Variants in KIAA1217 observed in about 807,000 individuals in gnomAD.
KIAA1217 encodes sickle tail protein homolog.
In KIAA1217, 88 loss-of-function variants were observed where a neutral mutation model predicts 163.9. The observed-to-expected ratio is 0.54, with a 90% CI of 0.45 to 0.64. KIAA1217 has a LOEUF of 0.64. Ranked by LOEUF, KIAA1217 falls within the 30% of genes least tolerant of loss-of-function variation. The probability of loss-of-function intolerance (pLI) is 0.00; values close to 1 mark genes in which losing one functional copy is unlikely to be tolerated. For missense variants in KIAA1217, 2,372 were observed against 2,475.0 expected (o/e 0.96, Z 0.88); for synonymous variants, 903 against 923.1 (o/e 0.98, Z 0.39).
At chr10:24,327,391 T>C (rs968724439) in intron 2 of KIAA1217, among the ~76,000 whole-genome samples, 2 of 152,228 alleles carry the variant, frequency 1.3e-5, no homozygotes, top group African/African-American at 2.4e-5. Flanking sequence ...TTAATTGATG[T>C]AAAGTCCCCT....
intron 2 of KIAA1217, among the ~76,000 whole-genome samples, chr10:24,182,399 A>G: frequency 6.7e-6 from 1 of 150,368 alleles, no homozygotes; most frequent in Admixed American, 6.6e-5. Context: ...CCAAGATCGC[A>G]CCACTGCACT....
chr10:23,748,235 C>G (rs982859782), intron 1 of KIAA1217, among the ~76,000 whole-genome samples: 3 of 152,106 alleles, frequency 2.0e-5, no homozygotes, highest in African/African-American at 7.2e-5. Context: ...GAACAAAAGT[C>G]CTTTCCTTCA....
At chr10:24,294,873 C>G (rs2040404479) in intron 2 of KIAA1217, among the ~76,000 whole-genome samples, 2 of 152,122 alleles carry the variant, frequency 1.3e-5, no homozygotes, top group Non-Finnish European at 2.9e-5. Context: ...TCACACATAC[C>G]CTGCCTGAAA....
At chr10:24,343,286 C>A (rs1038449156) in intron 2 of KIAA1217, among the ~76,000 whole-genome samples, 1 of 152,092 alleles carries the variant, frequency 6.6e-6, no homozygotes, top group Admixed American at 6.5e-5. Flanking sequence ...TAGTTGCTAT[C>A]CTGTATATTA....
At chr10:24,455,893 T>A (rs2061734852) in intron 5 of KIAA1217, among the ~76,000 whole-genome samples, 1 of 152,212 alleles carries the variant, frequency 6.6e-6, no homozygotes. Flanking sequence ...AAAAGTACTT[T>A]TTGTTTTTTT....
intron 1 of KIAA1217, among the ~76,000 whole-genome samples, chr10:23,931,647 T>C (rs1282589294): frequency 6.6e-6 from 1 of 152,194 alleles, no homozygotes; most frequent in Non-Finnish European, 1.5e-5. Flanking sequence ...CCTCATCAGA[T>C]TGACCCAAAA....
chr10:23,818,000 T>TACAC (rs1433150421), intron 1 of KIAA1217, among the ~76,000 whole-genome samples: 1 of 103,228 alleles, frequency 9.7e-6, no homozygotes, highest in African/African-American at 4.2e-5. Context: ...TATATATATA[T>TACAC]ATATATATAC....
At chr10:23,874,204 A>C (rs962550630) in intron 1 of KIAA1217, among the ~76,000 whole-genome samples, 3 of 152,028 alleles carry the variant, frequency 2.0e-5, no homozygotes, top group Non-Finnish European at 4.4e-5. Context: ...ATCGGCTGTG[A>C]GTCATCACAG....
chr10:24,414,192 G>C (rs2058042673), intron 3 of KIAA1217, among the ~76,000 whole-genome samples: 1 of 152,186 alleles, frequency 6.6e-6, no homozygotes, highest in South Asian at 2.1e-4. Context: ...TGCTTTAGTT[G>C]TTCCTCCTTG....
At chr10:24,468,685 A>G (rs1224087865) in intron 5 of KIAA1217, among the ~76,000 whole-genome samples, 2 of 152,216 alleles carry the variant, frequency 1.3e-5, no homozygotes, top group Admixed American at 6.5e-5. Context: ...CTGACTGTTC[A>G]TGGCAAGCAG....
At chr10:23,707,025 T>G (rs1836931275) in intron 1 of KIAA1217, among the ~76,000 whole-genome samples, 1 of 152,192 alleles carries the variant, frequency 6.6e-6, no homozygotes, top group Non-Finnish European at 1.5e-5. Context: ...TTCAGAATAT[T>G]TATTGATCAC....
intron 3 of KIAA1217, among the ~76,000 whole-genome samples, chr10:24,406,803 A>G (rs2057267958): frequency 6.6e-6 from 1 of 152,190 alleles, no homozygotes; most frequent in Non-Finnish European, 1.5e-5. Flanking sequence ...AGATTTCAGC[A>G]TTGGCAGGAA....
At chr10:24,502,701 T>C (rs2067822340) in intron 9 of KIAA1217, among the ~76,000 whole-genome samples, 1 of 152,166 alleles carries the variant, frequency 6.6e-6, no homozygotes, top group Non-Finnish European at 1.5e-5. Flanking sequence ...CAAATAGTGC[T>C]AGAAGATAGG....
chr10:24,449,850 C>T, intron 5 of KIAA1217: 2 of 688,458 alleles, frequency 2.9e-6, no homozygotes, highest in Non-Finnish European at 3.6e-6. Flanking sequence ...AACTTGTCTT[C>T]TGTATTCAAG....
At chr10:23,871,512 C>A (rs894980124) in intron 1 of KIAA1217, among the ~76,000 whole-genome samples, 2 of 152,198 alleles carry the variant, frequency 1.3e-5, no homozygotes, top group African/African-American at 4.8e-5. Flanking sequence ...GAACTGGGAT[C>A]TTGCTCTTCA....
At chr10:24,034,562 CAA>C (rs773055132) in intron 2 of KIAA1217, among the ~76,000 whole-genome samples, 21 of 110,198 alleles carry the variant, frequency 1.9e-4, no homozygotes, top group African/African-American at 2.7e-4. Flanking sequence ...GACCCTGTCT[CAA>C]AAAAAAAAAA....
In KIAA1217 at chr10:24,436,861, T is replaced by C. The variant is rs534440327; in HGVS notation, c.753-1525T>C. On this transcript the variant is annotated intron_variant, in intron 4 of 20. Coordinates refer to ENST00000376454, the MANE Select transcript of KIAA1217 (RefSeq NM_019590.5). Reference sequence around the variant, plus strand: ...TTCTAAGTTCAGAGACAAATTTCACTGCACTTCCTTCAGTGTTTCTGAAGC... The same window carrying C: ...TTCTAAGTTCAGAGACAAATTTCACCGCACTTCCTTCAGTGTTTCTGAAGC... Among the ~76,000 whole-genome samples, 98 of 151,598 alleles carry C rather than the reference T, an allele frequency of 6.5e-4. 1 individual carries two copies. Among genetic ancestry groups the C allele is most frequent in the Non-Finnish European group, 1.1e-3 (73 of 67,872 alleles).
chr10:24,204,925 C>A (rs1384822971), upstream of KIAA1217, among the ~76,000 whole-genome samples: 1 of 152,224 alleles, frequency 6.6e-6, no homozygotes, highest in African/African-American at 2.4e-5. Context: ...GGTTGAAACA[C>A]TTTTGTTGAC....
intron 2 of KIAA1217, among the ~76,000 whole-genome samples, chr10:24,351,859 G>C (rs1241971905): frequency 6.6e-6 from 1 of 152,136 alleles, no homozygotes; most frequent in Non-Finnish European, 1.5e-5. Context: ...GAGCGAGATG[G>C]GCTCCCAGTT....
Sources: gnomAD v4.1 joint callset for allele counts (sites outside exome capture counted in the v4.1 genomes callset) on GRCh38, gnomAD v4.1.1 for gene constraint, MANE v1.5 for transcripts, NCBI Gene and HGNC (gene_info 2026-07-23, HGNC 2026-07-21) for gene names.